Variants in THADA observed in about 807,000 individuals in gnomAD.
THADA encodes the protein tRNA (32-2'-O)-methyltransferase regulator THADA.
THADA carries 213 observed loss-of-function variants against 219.8 expected under a neutral mutation model. The observed-to-expected ratio is 0.97, with a 90% confidence interval of 0.87 to 1.09. The LOEUF is 1.09. Ranked by LOEUF, THADA falls within the 50% of genes least tolerant of loss-of-function variation. THADA has a pLI of 0.00. For missense variants in THADA, 2,956 were observed against 2,311.3 expected (o/e 1.28, Z -5.72); for synonymous variants, 1,018 against 828.9 (o/e 1.23, Z -3.92).
At chr2:43,338,512 C>A (rs909765097) in intron 30 of THADA, among the ~76,000 whole-genome samples, 1 of 152,086 alleles carries the variant, frequency 6.6e-6, no homozygotes, top group Non-Finnish European at 1.5e-5. Context: ...AAACAATGCC[C>A]CATTTCCTCC....
chr2:43,571,572 A>T, intron 13 of THADA, 135 bp downstream of exon 13: 1 of 789,170 alleles, frequency 1.3e-6, no homozygotes, highest in Non-Finnish European at 2.0e-6. Flanking sequence ...AGGTCACAGA[A>T]CGGCCGTCAT....
chr2:43,493,591 C>G (rs1388988495), intron 25 of THADA, among the ~76,000 whole-genome samples: 1 of 152,222 alleles, frequency 6.6e-6, no homozygotes, highest in East Asian at 1.9e-4. Context: ...CGAGAATTGC[C>G]TGTTCTGCAA....
At chr2:43,385,701 A>G (rs1485147936) in intron 29 of THADA, among the ~76,000 whole-genome samples, 3 of 151,914 alleles carry the variant, frequency 2.0e-5, no homozygotes, top group South Asian at 2.1e-4. Context: ...TCATCTGTCT[A>G]AAGATTTTTT....
chr2:43,514,654 AT>A lies in THADA; in HGVS notation c.3375-5875del, dbSNP rs1241097943. 1.5e-4 allele frequency among the ~76,000 whole-genome samples: 14 copies of A among 90,936 alleles called. 1 individual carries two copies. Among genetic ancestry groups the A allele is most frequent in the Non-Finnish European group, 5.7e-5 (3 of 52,318 alleles). 59.7% of individuals were successfully genotyped at this position (90,936 alleles called of 152,430 possible). A position where few individuals can be genotyped will look rare whatever the true frequency, so the allele number is the denominator to read the frequency against. ...TGTATATTTTATATATAATATATAT[AT>A]TGTATATAATAATATATAATATATT... is the stretch of plus-strand genomic sequence containing the variant. On this transcript the variant is annotated intron_variant, in intron 22 of 37. Transcript: ENST00000405975.
At chr2:43,465,720 T>C (rs567117999) in intron 26 of THADA, among the ~76,000 whole-genome samples, 2 of 152,304 alleles carry the variant, frequency 1.3e-5, no homozygotes, top group East Asian at 3.9e-4. Flanking sequence ...TTTCCTGGCA[T>C]AAAATACCAC....
chr2:43,543,647 G>A (rs891650354), intron 20 of THADA, among the ~76,000 whole-genome samples: 8 of 152,142 alleles, frequency 5.3e-5, no homozygotes, highest in African/African-American at 1.4e-4. Context: ...ATTTTTTCAT[G>A]TGTTTTCTGG....
intron 22 of THADA, among the ~76,000 whole-genome samples, chr2:43,519,002 A>T (rs1000612408): frequency 2.0e-5 from 3 of 151,884 alleles, no homozygotes; most frequent in South Asian, 2.1e-4. Context: ...TGTTTAAAGC[A>T]TTATTCTCCC....
At chr2:43,448,129 C>T (rs987994983) in intron 26 of THADA, among the ~76,000 whole-genome samples, 1 of 152,128 alleles carries the variant, frequency 6.6e-6, no homozygotes, top group Admixed American at 6.5e-5. Context: ...AAAGAATTCT[C>T]GAAAGATGAC....
rs138077893 is a variant in THADA at position 43,471,746 on chromosome 2, G to C, written c.3836+13488C>G. Among the ~76,000 whole-genome samples, 16 of 152,264 alleles carry C rather than the reference G, an allele frequency of 1.1e-4. No individual in the cohort carries two copies. The East Asian group carries it at 2.5e-3, about 24-fold the overall frequency. ...CTATAACATTTGGTTCCTAATTAATGATTGTTCCCTCTTCTTCGTTTTTAT... is the reference window on the plus strand; with the variant it reads ...CTATAACATTTGGTTCCTAATTAATCATTGTTCCCTCTTCTTCGTTTTTAT... On this transcript the variant is annotated intron_variant, in intron 26 of 37. Transcript: ENST00000405975.
intron 26 of THADA, among the ~76,000 whole-genome samples, chr2:43,444,053 C>G (rs990375410): frequency 2.0e-5 from 3 of 152,094 alleles, no homozygotes; most frequent in Non-Finnish European, 4.4e-5. Context: ...ATTTTAAAAG[C>G]TTTAGAAATA....
At chr2:43,288,079 T>C (rs915547765) in intron 34 of THADA, among the ~76,000 whole-genome samples, 4 of 152,238 alleles carry the variant, frequency 2.6e-5, no homozygotes, top group African/African-American at 9.6e-5. Flanking sequence ...GGACTGTTTC[T>C]ATCTGATTTA....
intron 21 of THADA, among the ~76,000 whole-genome samples, chr2:43,528,844 C>A (rs1309335992): frequency 6.6e-6 from 1 of 151,758 alleles, no homozygotes; most frequent in African/African-American, 2.4e-5. Context: ...TCATTGTAAC[C>A]CTTTTTAAAT....
At chr2:43,296,875 G>T (rs953234602) in intron 31 of THADA, among the ~76,000 whole-genome samples, 1 of 151,390 alleles carries the variant, frequency 6.6e-6, no homozygotes, top group Admixed American at 6.6e-5. Context: ...AGGAGCGGAC[G>T]GGCCCCGCGG....
At chr2:43,245,012 C>T (rs1668987394) in intron 36 of THADA, among the ~76,000 whole-genome samples, 1 of 152,192 alleles carries the variant, frequency 6.6e-6, no homozygotes, top group South Asian at 2.1e-4. Flanking sequence ...CTTCCATCAG[C>T]CTCCTCTCCT....
At chr2:43,499,533 C>A (rs1023993813) in intron 24 of THADA, among the ~76,000 whole-genome samples, 3 of 152,080 alleles carry the variant, frequency 2.0e-5, no homozygotes, top group African/African-American at 4.8e-5. Context: ...TGTGCCACCA[C>A]GGCCGGCTAA....
chr2:43,591,988 G>C lies in THADA; in HGVS notation c.135C>G (p.Leu45=). ...LASLLLHCVQ[L]TDGVSQIHYI... ...AATGGATTTGTGACACTCCATCCGT[G>C]AGTTGCACACAATGTAACAGCAAAG... Residue 45 remains leucine, a synonymous_variant, in exon 3 of 38, where the codon CTC becomes CTG. Transcript: ENST00000405975. The C allele has an allele frequency of 6.4e-7, 1 of 1,561,332 alleles. No individual in the cohort carries two copies. The highest frequency in any genetic ancestry group is 8.7e-7 in the Non-Finnish European group (1 of 1,151,374).
chr2:43,495,054 G>C (rs1688096281), intron 25 of THADA, among the ~76,000 whole-genome samples: 1 of 152,134 alleles, frequency 6.6e-6, no homozygotes, highest in Non-Finnish European at 1.5e-5. Context: ...AAGAGGATGT[G>C]TACAAATCAA....
chr2:43,274,087 T>G (rs1444860213), intron 36 of THADA, among the ~76,000 whole-genome samples: 2 of 152,238 alleles, frequency 1.3e-5, no homozygotes, highest in African/African-American at 2.4e-5. Context: ...CCAGTCTCTA[T>G]GGGTCACCAT....
At chr2:43,360,284 G>A (rs556024410) in intron 29 of THADA, among the ~76,000 whole-genome samples, 1 of 152,288 alleles carries the variant, frequency 6.6e-6, no homozygotes, top group African/African-American at 2.4e-5. Flanking sequence ...GAGCCTTGCT[G>A]GAGTGCAAAC....
Sources: gnomAD v4.1 joint callset for allele counts (sites outside exome capture counted in the v4.1 genomes callset) on GRCh38, gnomAD v4.1.1 for gene constraint, MANE v1.5 for transcripts, NCBI Gene and HGNC (gene_info 2026-07-23, HGNC 2026-07-21) for gene names.